The following CCSER1 variants were observed in gnomAD, a reference collection of about 807,000 sequenced individuals.
CCSER1 encodes the protein serine-rich coiled-coil domain-containing protein 1.
Under a neutral mutation model 82.0 loss-of-function variants are expected in CCSER1, and 41 were observed. The observed-to-expected ratio is 0.50, with a 90% CI of 0.39 to 0.65. The LOEUF is 0.65. Among genes scored for constraint, CCSER1 ranks in the 30% least tolerant of loss-of-function variants. The probability of loss-of-function intolerance (pLI) is 0.00; values close to 1 mark genes in which losing one functional copy is unlikely to be tolerated. For synonymous variants in CCSER1, 414 were observed against 383.9 expected (o/e 1.08, Z -0.92); for missense variants, 1,119 against 1,064.2 (o/e 1.05, Z -0.72).
intron 5 of CCSER1, among the ~76,000 whole-genome samples, chr4:90,566,372 A>T (rs1262828478): frequency 6.6e-6 from 1 of 151,532 alleles, no homozygotes; most frequent in Non-Finnish European, 1.5e-5. Context: ...ATTGGTATTT[A>T]ATTATTCTTT....
intron 3 of CCSER1, among the ~76,000 whole-genome samples, chr4:90,393,981 T>C (rs1228420529): frequency 1.3e-5 from 2 of 151,678 alleles, no homozygotes; most frequent in Non-Finnish European, 2.9e-5. Context: ...GGTCTCGCTG[T>C]TTTGCCCAGG....
intron 6 of CCSER1, among the ~76,000 whole-genome samples, chr4:90,651,687 T>C (rs142030315): frequency 1.1e-5 from 1 of 88,228 alleles, no homozygotes; most frequent in African/African-American, 3.6e-5. Flanking sequence ...TAAAGTATAA[T>C]TAAAAAAAAA....
intron 5 of CCSER1, among the ~76,000 whole-genome samples, chr4:90,545,858 A>G (rs895794909): frequency 2.0e-5 from 3 of 152,204 alleles, no homozygotes; most frequent in Admixed American, 1.3e-4. Flanking sequence ...ATACATTTGG[A>G]AAGTGTTGTA....
chr4:90,278,759 A>G (rs1344972486), intron 1 of CCSER1, among the ~76,000 whole-genome samples: 1 of 152,026 alleles, frequency 6.6e-6, no homozygotes, highest in African/African-American at 2.4e-5. Flanking sequence ...GTTCATTCAT[A>G]CCTCAAGCCT....
chr4:90,486,585 A>G (rs1044705604), intron 5 of CCSER1, among the ~76,000 whole-genome samples: 3 of 152,330 alleles, frequency 2.0e-5, no homozygotes, highest in Middle Eastern at 3.4e-3. Context: ...TTCACTAGTC[A>G]TGAAAACCTC....
intron 10 of CCSER1, among the ~76,000 whole-genome samples, chr4:91,415,578 A>G (rs965457484): frequency 2.0e-5 from 3 of 152,072 alleles, no homozygotes; most frequent in Admixed American, 1.3e-4. Context: ...ATTTTGAGGT[A>G]TGTTCCTTCA....
chr4:91,359,464 A>G (rs976508945), intron 10 of CCSER1, among the ~76,000 whole-genome samples: 2 of 151,914 alleles, frequency 1.3e-5, no homozygotes, highest in Non-Finnish European at 2.9e-5. Context: ...AGTGACTGAT[A>G]AACTTATGAT....
At chr4:91,526,098 C>T (rs1760750194) in intron 10 of CCSER1, among the ~76,000 whole-genome samples, 1 of 152,084 alleles carries the variant, frequency 6.6e-6, no homozygotes, top group Admixed American at 6.5e-5. Context: ...CTTTCCAAAT[C>T]CAGGAGATAA....
At chr4:90,945,789 C>T (rs1732165095) in intron 9 of CCSER1, among the ~76,000 whole-genome samples, 1 of 152,194 alleles carries the variant, frequency 6.6e-6, no homozygotes, top group Non-Finnish European at 1.5e-5. Flanking sequence ...ACTCTATCTT[C>T]TCTAAATCAC....
intron 10 of CCSER1, among the ~76,000 whole-genome samples, chr4:91,102,461 AT>A (rs1725167450): frequency 1.3e-5 from 2 of 152,178 alleles, no homozygotes; most frequent in African/African-American, 2.4e-5. Flanking sequence ...TAATCTGGAT[AT>A]AAGTAAGATT....
intron 10 of CCSER1, among the ~76,000 whole-genome samples, chr4:91,550,201 T>TC (rs1434222515): frequency 2.0e-5 from 3 of 152,222 alleles, no homozygotes; most frequent in African/African-American, 7.2e-5. Context: ...CTTTCCTTTT[T>TC]CCCTCCTCTT....
At chr4:90,902,585 G>A (rs1431223073) in intron 8 of CCSER1, among the ~76,000 whole-genome samples, 1 of 151,982 alleles carries the variant, frequency 6.6e-6, no homozygotes, top group Non-Finnish European at 1.5e-5. Context: ...TTCCTTATTT[G>A]GGGCTAGCTT....
At chr4:90,639,147 A>G (rs1219563012) in intron 6 of CCSER1, among the ~76,000 whole-genome samples, 3 of 151,750 alleles carry the variant, frequency 2.0e-5, no homozygotes, top group Non-Finnish European at 4.4e-5. Flanking sequence ...GATTTCTTAA[A>G]CACTTAAAAA....
intron 10 of CCSER1, among the ~76,000 whole-genome samples, chr4:91,354,336 C>T (rs1456818273): frequency 3.3e-5 from 5 of 152,152 alleles, no homozygotes; most frequent in African/African-American, 4.8e-5. Flanking sequence ...CTGTTTTTAT[C>T]GGCAGTAAGA....
chr4:91,459,310 A>G (rs1345715924), intron 10 of CCSER1, among the ~76,000 whole-genome samples: 1 of 152,128 alleles, frequency 6.6e-6, no homozygotes, highest in Non-Finnish European at 1.5e-5. Context: ...TATGCATACT[A>G]GGAATGTGAG....
At chr4:91,311,796 A>G (rs572755669) in intron 10 of CCSER1, among the ~76,000 whole-genome samples, 7 of 152,042 alleles carry the variant, frequency 4.6e-5, no homozygotes, top group South Asian at 4.1e-4. Flanking sequence ...TTTCATTACA[A>G]TTAATCCAGG....
chr4:90,535,145 A>G (rs976698393), intron 5 of CCSER1, among the ~76,000 whole-genome samples: 1 of 152,174 alleles, frequency 6.6e-6, no homozygotes, highest in East Asian at 1.9e-4. Flanking sequence ...TTTTAAATAC[A>G]TTATTAATAT....
intron 3 of CCSER1, among the ~76,000 whole-genome samples, chr4:90,371,372 A>T (rs1002352586): frequency 6.6e-6 from 1 of 152,144 alleles, no homozygotes; most frequent in Non-Finnish European, 1.5e-5. Context: ...TAATTGAATA[A>T]TTGAATAAAA....
intron 10 of CCSER1, among the ~76,000 whole-genome samples, chr4:91,108,297 C>A (rs1019463422): frequency 1.3e-5 from 2 of 152,116 alleles, no homozygotes; most frequent in Non-Finnish European, 2.9e-5. Flanking sequence ...TGAAAATTCA[C>A]AATATATTTG....
Sources: allele counts gnomAD v4.1 joint callset (sites outside exome capture counted in the v4.1 genomes callset), GRCh38; gene constraint gnomAD v4.1.1; transcripts MANE v1.5; gene names NCBI Gene and HGNC (gene_info 2026-07-23, HGNC 2026-07-21).